LYPLAL1: variants seen among roughly 807,000 people sequenced by gnomAD.
The protein encoded by LYPLAL1 is lysophospholipase-like protein 1.
A neutral mutation model predicts 19.7 loss-of-function variants in LYPLAL1; 23 were observed. The observed-to-expected ratio is 1.17, with a 90% CI of 0.84 to 1.65. The LOEUF is 1.65. LYPLAL1 is among the 40% of genes most tolerant of loss of function. The pLI, the probability that LYPLAL1 is intolerant of heterozygous loss-of-function variation, is 0.00. For synonymous variants in LYPLAL1, 119 were observed against 96.3 expected (o/e 1.24, Z -1.38); for missense variants, 355 against 279.4 (o/e 1.27, Z -1.93).
the LYPLAL1 span, among the ~76,000 whole-genome samples, chr1:219,265,958 A>G: frequency 3.9e-4 from 59 of 152,272 alleles, no homozygotes; most frequent in African/African-American, 1.4e-3. Flanking sequence ...TGGGATGGGA[A>G]GTTGCTCTGG....
At chr1:219,189,454 A>G (rs1245173559) in intron 2 of LYPLAL1, among the ~76,000 whole-genome samples, 2 of 151,666 alleles carry the variant, frequency 1.3e-5, no homozygotes, top group East Asian at 3.9e-4. Context: ...TTTTCAGAGT[A>G]ATGAAAATGA....
chr1:219,297,075 T>G, the LYPLAL1 span, among the ~76,000 whole-genome samples: 135,758 of 152,196 alleles, frequency 0.89, 60,577 homozygotes, highest in East Asian at 0.99. Context: ...AGAGAGAAAT[T>G]CTTTATAGTC....
chr1:219,400,022 G>A, the LYPLAL1 span, among the ~76,000 whole-genome samples: 2 of 152,146 alleles, frequency 1.3e-5, no homozygotes, highest in African/African-American at 4.8e-5. Context: ...TTCCTGCAGG[G>A]ATTCCAGAGG....
chr1:219,229,319 GAGAGAGAGA>G, the LYPLAL1 span, among the ~76,000 whole-genome samples: 4 of 149,346 alleles, frequency 2.7e-5, no homozygotes, highest in Non-Finnish European at 4.4e-5. Flanking sequence ...GAGAGAGAGA[GAGAGAGAGA>G]GAGAGAGAGA....
the LYPLAL1 span, among the ~76,000 whole-genome samples, chr1:219,314,176 C>G: frequency 6.6e-6 from 1 of 152,208 alleles, no homozygotes; most frequent in African/African-American, 2.4e-5. Flanking sequence ...TTTATGACTG[C>G]ATAATATTCC....
chr1:219,264,379 A>G, the LYPLAL1 span, among the ~76,000 whole-genome samples: 1 of 152,224 alleles, frequency 6.6e-6, no homozygotes, highest in Non-Finnish European at 1.5e-5. Flanking sequence ...ATACTTCATA[A>G]TCAGCTAGAA....
At chr1:219,241,449 T>G in the LYPLAL1 span, among the ~76,000 whole-genome samples, 1 of 152,042 alleles carries the variant, frequency 6.6e-6, no homozygotes, top group Non-Finnish European at 1.5e-5. Context: ...GCCTGAATAA[T>G]ACAGCATTGA....
the LYPLAL1 span, among the ~76,000 whole-genome samples, chr1:219,363,090 A>T: frequency 6.6e-6 from 1 of 152,302 alleles, no homozygotes; most frequent in South Asian, 2.1e-4. Context: ...CACAAACCAA[A>T]CAAGCCTACC....
the LYPLAL1 span, among the ~76,000 whole-genome samples, chr1:219,377,764 G>T: frequency 6.6e-6 from 1 of 151,884 alleles, no homozygotes; most frequent in Admixed American, 6.6e-5. Flanking sequence ...AAATTTTAAT[G>T]ACCCGACTCT....
the LYPLAL1 span, among the ~76,000 whole-genome samples, chr1:219,301,812 TA>T: frequency 6.6e-6 from 1 of 152,194 alleles, no homozygotes; most frequent in Admixed American, 6.5e-5. Flanking sequence ...TCATTTTTGA[TA>T]CCTGATATAT....
At chr1:219,279,385 C>T in the LYPLAL1 span, among the ~76,000 whole-genome samples, 1 of 152,162 alleles carries the variant, frequency 6.6e-6, no homozygotes, top group Non-Finnish European at 1.5e-5. Flanking sequence ...TGAGGTGTGG[C>T]AATTTCCCCC....
At chr1:219,332,536 A>G in the LYPLAL1 span, among the ~76,000 whole-genome samples, 1 of 152,112 alleles carries the variant, frequency 6.6e-6, no homozygotes, top group Non-Finnish European at 1.5e-5. Flanking sequence ...ATATGCAGCA[A>G]TAGATCATTG....
intron 3 of LYPLAL1, among the ~76,000 whole-genome samples, chr1:219,194,591 T>C (rs1657456797): frequency 6.6e-6 from 1 of 152,038 alleles, no homozygotes; most frequent in Non-Finnish European, 1.5e-5. Flanking sequence ...GTGGTATAAC[T>C]AATAGCTTTT....
chr1:219,181,274 A>T (rs1334314063), intron 2 of LYPLAL1, among the ~76,000 whole-genome samples: 1 of 152,130 alleles, frequency 6.6e-6, no homozygotes, highest in Non-Finnish European at 1.5e-5. Flanking sequence ...TAGTAGTAAA[A>T]ATTAGGTTCC....
At chr1:219,272,429 A>G in the LYPLAL1 span, 1 of 152,398 alleles carries the variant, frequency 6.6e-6, no homozygotes, top group African/African-American at 2.4e-5. Flanking sequence ...GCCATACACC[A>G]CAGGGATGAC....
At chr1:219,361,970 CCT>C in the LYPLAL1 span, among the ~76,000 whole-genome samples, 4 of 152,060 alleles carry the variant, frequency 2.6e-5, no homozygotes, top group South Asian at 2.1e-4. Context: ...GCTTTGTCCC[CCT>C]GTTTGGGCCA....
At chr1:219,268,560 T>A in the LYPLAL1 span, among the ~76,000 whole-genome samples, 1 of 152,224 alleles carries the variant, frequency 6.6e-6, no homozygotes, top group Non-Finnish European at 1.5e-5. Flanking sequence ...TTGTAAGTAC[T>A]TTTACTTTTT....
Position 219,211,507 on chromosome 1 carries a change from A to G in LYPLAL1, c.493A>G (p.Asn165Asp), listed in dbSNP as rs781319136. 5.6e-6 allele frequency: 9 copies of G among 1,603,212 alleles called. No homozygotes were observed. The South Asian group carries it at 6.6e-5, about 12-fold the overall frequency. The change falls in exon 5 of 5, where the codon AAT (asparagine) becomes GAT (aspartate). Residue 165 changes from asparagine (N) to aspartate (D), a missense_variant. Coordinates refer to ENST00000366928, the MANE Select transcript of LYPLAL1 (RefSeq NM_138794.5). ...SAVYQALQKS[N>D]GVLPELFQCH... ...TCTTCTCTAGGCTCTTCAGAAGAGT[A>G]ATGGTGTACTTCCTGAATTATTTCA...
the LYPLAL1 span, among the ~76,000 whole-genome samples, chr1:219,281,559 C>G: frequency 6.6e-6 from 1 of 152,030 alleles, no homozygotes; most frequent in Non-Finnish European, 1.5e-5. Context: ...GTTTCTCCCT[C>G]CACTGCATGC....
Sources: gnomAD v4.1 joint callset for allele counts (sites outside exome capture counted in the v4.1 genomes callset) on GRCh38, gnomAD v4.1.1 for gene constraint, MANE v1.5 for transcripts, NCBI Gene and HGNC (gene_info 2026-07-23, HGNC 2026-07-21) for gene names.